PRR5: variants seen among roughly 807,000 people sequenced by gnomAD.
PRR5 encodes the protein proline-rich protein 5.
PRR5 carries 25 observed loss-of-function variants against 30.6 expected under a neutral mutation model. The ratio of observed to expected loss-of-function variants is 0.82; its 90% CI spans 0.60 to 1.14. PRR5 has a LOEUF of 1.14. Among genes scored for constraint, PRR5 ranks in the 50% most tolerant of loss-of-function variants. The pLI is 0.00. For synonymous variants in PRR5, 286 were observed against 247.1 expected, an observed-to-expected ratio of 1.16 and a Z score of -1.48; for missense variants, 600 against 547.1, an observed-to-expected ratio of 1.10 and a Z score of -0.96.
chr22:44,724,367 A>C (rs1378058413), intron 2 of PRR5, among the ~76,000 whole-genome samples: 1 of 151,936 alleles, frequency 6.6e-6, no homozygotes, highest in Non-Finnish European at 1.5e-5. Context: ...ACCCGGGTTC[A>C]CCGCAACCTC....
chr22:44,735,598 A>G (rs1383330459), intron 7 of PRR5, among the ~76,000 whole-genome samples: 1 of 152,208 alleles, frequency 6.6e-6, no homozygotes, highest in African/African-American at 2.4e-5. Flanking sequence ...CGTCCAGCAC[A>G]GCTGGCCACG....
At chr22:44,735,285 C>A in intron 7 of PRR5, 123 bp downstream of exon 7, 1 of 1,335,372 alleles carries the variant, frequency 7.5e-7, no homozygotes, top group Non-Finnish European at 1.0e-6. Context: ...TGGTTCTCAG[C>A]CGGGCAGCAG....
At chr22:44,723,833 A>G (rs1930295226) in intron 2 of PRR5, among the ~76,000 whole-genome samples, 1 of 152,236 alleles carries the variant, frequency 6.6e-6, no homozygotes, top group South Asian at 2.1e-4. Flanking sequence ...TGTGTTGGCC[A>G]GTTGCTTTTT....
chr22:44,698,574 AC>A (rs1925976226), upstream of PRR5, among the ~76,000 whole-genome samples: 1 of 151,990 alleles, frequency 6.6e-6, no homozygotes, highest in Non-Finnish European at 1.5e-5. Flanking sequence ...CCCTCCTCAG[AC>A]CCAGAAAGCC....
chr22:44,715,488 A>T (rs145256016), intron 2 of PRR5, among the ~76,000 whole-genome samples: 1,705 of 152,216 alleles, frequency 0.011, 17 homozygotes, highest in Middle Eastern at 0.027. Context: ...GGGCCCTTAC[A>T]TGTGGGTAAA....
chr22:44,671,336 A>G (rs887238039), intron 1 of PRR5, among the ~76,000 whole-genome samples: 2 of 152,228 alleles, frequency 1.3e-5, no homozygotes, highest in African/African-American at 4.8e-5. Context: ...GTGACAAGAC[A>G]GCCCTCATTT....
chr22:44,735,425 G>A (rs775560210), intron 7 of PRR5, among the ~76,000 whole-genome samples: 10 of 152,208 alleles, frequency 6.6e-5, no homozygotes, highest in African/African-American at 2.4e-4. Context: ...CCACATTCAT[G>A]TGCAGTCTTG....
At chr22:44,736,232 G>A (rs1923226327) in intron 7 of PRR5, among the ~76,000 whole-genome samples, 1 of 152,220 alleles carries the variant, frequency 6.6e-6, no homozygotes, top group Non-Finnish European at 1.5e-5. Context: ...CCTGGCTACA[G>A]GCTCCCCGCA....
chr22:44,670,924 G>A lies in PRR5; in HGVS notation c.-11+2119G>A, dbSNP rs572454113. Among the ~76,000 whole-genome samples the A allele has an allele frequency of 1.5e-4, 23 of 152,330 alleles. 1 individual carries two copies. Among genetic ancestry groups the A allele is most frequent in the African/African-American group, 5.3e-4 (22 of 41,568 alleles). ...GGATGTGAACAAAACCGTCTTCTGG[G>A]ACATGTGTGAGAAGAACAGAGCTCT... On this transcript the variant is annotated intron_variant, in intron 1 of 8. Transcript: ENST00000432186.
intron 4 of PRR5, chr22:44,729,416 G>A: frequency 1.0e-6 from 1 of 985,228 alleles, no homozygotes; most frequent in Non-Finnish European, 1.2e-6. Context: ...CGGAGCCAAG[G>A]CTACTGCGGG....
chr22:44,673,449 G>GA (rs1311469615), upstream of PRR5, among the ~76,000 whole-genome samples: 3 of 152,208 alleles, frequency 2.0e-5, no homozygotes, highest in Non-Finnish European at 4.4e-5. Flanking sequence ...TTAACCCTCT[G>GA]AAGGGCCTCT....
At chr22:44,699,446 C>A (rs1470995588), upstream of PRR5, among the ~76,000 whole-genome samples, 1 of 152,268 alleles carries the variant, frequency 6.6e-6, no homozygotes, top group Admixed American at 6.5e-5. Flanking sequence ...TGCTTTGCTG[C>A]GTTTACACCA....
chr22:44,710,402 G>A (rs982643257), intron 1 of PRR5, among the ~76,000 whole-genome samples: 35 of 152,286 alleles, frequency 2.3e-4, no homozygotes, highest in African/African-American at 7.2e-4. Context: ...CTGGGGCTGG[G>A]GGGGCTTCCT....
intron 1 of PRR5, among the ~76,000 whole-genome samples, chr22:44,685,530 G>GCCAGTGAAAGCCACACCCCTCTCC: frequency 6.9e-6 from 1 of 145,974 alleles, no homozygotes; most frequent in Non-Finnish European, 1.5e-5. Context: ...TTTCAGAGAA[G>GCCAGTGAAAGCCACACCCCTCTCC]CCAGTGAAAG....
chr22:44,680,195 G>C (rs1283248336), intron 1 of PRR5, among the ~76,000 whole-genome samples: 1 of 152,216 alleles, frequency 6.6e-6, no homozygotes, highest in African/African-American at 2.4e-5. Context: ...CAGGGTTCAA[G>C]TCCCAGCTCC....
chr22:44,732,422 G>C, intron 6 of PRR5, 31 bp downstream of exon 6: 1 of 1,587,802 alleles, frequency 6.3e-7, no homozygotes, highest in Non-Finnish European at 8.6e-7. Flanking sequence ...GTCGGGCATG[G>C]GGACCGTGGG....
chr22:44,682,303 T>A (rs142985717), intron 1 of PRR5, among the ~76,000 whole-genome samples: 1 of 152,190 alleles, frequency 6.6e-6, no homozygotes, highest in Non-Finnish European at 1.5e-5. Flanking sequence ...ACGTGTACTC[T>A]AATACAGGGG....
At chr22:44,681,066 T>C (rs995864744) in intron 1 of PRR5, among the ~76,000 whole-genome samples, 6 of 152,184 alleles carry the variant, frequency 3.9e-5, no homozygotes, top group African/African-American at 1.4e-4. Flanking sequence ...CTGCCAGTGG[T>C]TCCTGTGTCT....
At chr22:44,710,016 C>T (rs372318132) in intron 1 of PRR5, among the ~76,000 whole-genome samples, 2 of 152,292 alleles carry the variant, frequency 1.3e-5, no homozygotes, top group East Asian at 3.9e-4. Flanking sequence ...CACCCTGACC[C>T]CCTACCCGCC....
Sources: allele counts gnomAD v4.1 joint callset (sites outside exome capture counted in the v4.1 genomes callset), GRCh38; gene constraint gnomAD v4.1.1; transcripts MANE v1.5; gene names NCBI Gene and HGNC (gene_info 2026-07-23, HGNC 2026-07-21).